The following MAGI2 variants were observed in gnomAD, a reference collection of about 807,000 sequenced individuals.
MAGI2 encodes the protein membrane associated guanylate kinase, WW and PDZ domain containing 2.
A neutral mutation model predicts 133.3 loss-of-function variants in MAGI2; 35 were observed. That is an observed-to-expected ratio of 0.26 (90% CI 0.20 to 0.35). The LOEUF (loss-of-function observed/expected upper bound fraction) is 0.35. Ranked by LOEUF, MAGI2 falls within the 10% of genes least tolerant of loss-of-function variation. The probability of loss-of-function intolerance (pLI) is 1.00; values close to 1 mark genes in which losing one functional copy is unlikely to be tolerated. For missense variants in MAGI2, 1,636 were observed against 1,863.4 expected, an observed-to-expected ratio of 0.88 and a Z score of 2.25; for synonymous variants, 729 against 710.6, an observed-to-expected ratio of 1.03 and a Z score of -0.41.
intron 2 of MAGI2, among the ~76,000 whole-genome samples, chr7:78,722,291 G>C: frequency 6.6e-6 from 1 of 151,996 alleles, no homozygotes; most frequent in African/African-American, 2.4e-5. Flanking sequence ...TTTGAACTGT[G>C]AGAAGGCGAT....
chr7:78,735,753 C>T (rs745508282), intron 2 of MAGI2, among the ~76,000 whole-genome samples: 6 of 152,090 alleles, frequency 3.9e-5, no homozygotes, highest in Non-Finnish European at 7.4e-5. Context: ...GGAGAGCAGC[C>T]TCAAGGGTTT....
chr7:79,281,321 T>C (rs1244742123), intron 1 of MAGI2, among the ~76,000 whole-genome samples: 1 of 152,114 alleles, frequency 6.6e-6, no homozygotes, highest in Non-Finnish European at 1.5e-5. Flanking sequence ...TATTAACCAG[T>C]AGCTCCTGGT....
At chr7:78,622,026 T>G (rs1807798587) in intron 3 of MAGI2, among the ~76,000 whole-genome samples, 1 of 151,960 alleles carries the variant, frequency 6.6e-6, no homozygotes, top group African/African-American at 2.4e-5. Flanking sequence ...AACTAGACAT[T>G]TTATAAAGGA....
chr7:78,371,549 A>C (rs1793918408), intron 6 of MAGI2, among the ~76,000 whole-genome samples: 1 of 152,026 alleles, frequency 6.6e-6, no homozygotes. Context: ...TCTTTTATAA[A>C]GTAAATGATT....
At chr7:78,407,654 CTTTT>C (rs3061272) in intron 6 of MAGI2, among the ~76,000 whole-genome samples, 101,340 of 148,450 alleles carry the variant, frequency 0.68, 35,130 homozygotes, top group African/African-American at 0.8. Context: ...GCTTCTTCTA[CTTTT>C]TTTTTTTTTT....
intron 3 of MAGI2, among the ~76,000 whole-genome samples, chr7:78,580,411 C>T (rs1369887745): frequency 6.6e-6 from 1 of 152,128 alleles, no homozygotes; most frequent in Non-Finnish European, 1.5e-5. Flanking sequence ...CATGTACAAT[C>T]CATGTAGAAC....
intron 1 of MAGI2, among the ~76,000 whole-genome samples, chr7:79,177,627 T>G (rs1826214340): frequency 6.6e-6 from 1 of 152,068 alleles, no homozygotes; most frequent in Non-Finnish European, 1.5e-5. Flanking sequence ...AAAGTCTACA[T>G]GCTGTGTAGG....
chr7:78,960,996 G>A (rs1261209688), intron 2 of MAGI2, among the ~76,000 whole-genome samples: 2 of 152,106 alleles, frequency 1.3e-5, no homozygotes, highest in African/African-American at 4.8e-5. Flanking sequence ...TAAAATACCA[G>A]TTCTGATTTC....
intron 1 of MAGI2, among the ~76,000 whole-genome samples, chr7:79,374,024 T>C (rs1563163624): frequency 6.6e-6 from 1 of 151,992 alleles, no homozygotes; most frequent in Non-Finnish European, 1.5e-5. Context: ...GGAAAGCTCT[T>C]CAAGACATAT....
intron 1 of MAGI2, among the ~76,000 whole-genome samples, chr7:79,346,018 C>T (rs1187201871): frequency 3.9e-5 from 6 of 151,980 alleles, no homozygotes. Context: ...TTTTTCTCTT[C>T]TTAAAATTAC....
intron 6 of MAGI2, among the ~76,000 whole-genome samples, chr7:78,430,607 C>A (rs574812596): frequency 3.3e-5 from 5 of 152,044 alleles, no homozygotes; most frequent in African/African-American, 1.2e-4. Context: ...TATCCAACAC[C>A]TTTTAAACAG....
intron 2 of MAGI2, among the ~76,000 whole-genome samples, chr7:78,665,126 T>C (rs73378301): frequency 0.015 from 2,330 of 152,056 alleles, 68 homozygotes; most frequent in African/African-American, 0.053. Flanking sequence ...TTGCAATGAG[T>C]GAGGGTCAAA....
chr7:79,164,461 T>C (rs1384115789), intron 1 of MAGI2, among the ~76,000 whole-genome samples: 7 of 152,028 alleles, frequency 4.6e-5, no homozygotes, highest in Non-Finnish European at 2.9e-5. Flanking sequence ...ATCTTTTTTT[T>C]CCAGGCCCTC....
rs1174899295 is a variant in MAGI2 at position 78,855,502 on chromosome 7, G to A, written c.418+151588C>T. Among the ~76,000 whole-genome samples the A allele has an allele frequency of 2.0e-5, 3 of 152,252 alleles. No homozygotes were observed. The East Asian group carries it at 5.8e-4, about 29-fold the overall frequency. ...TCCCACTTATGAGTGAGAACATGTGGTGTTTGGTCTTCTGTCCTTGAGATA... is the reference window on the plus strand; with the variant it reads ...TCCCACTTATGAGTGAGAACATGTGATGTTTGGTCTTCTGTCCTTGAGATA... On this transcript the variant is annotated intron_variant, in intron 2 of 21. Coordinates refer to ENST00000354212, the MANE Select transcript of MAGI2 (RefSeq NM_012301.4).
intron 1 of MAGI2, among the ~76,000 whole-genome samples, chr7:79,300,826 C>A (rs1210316070): frequency 6.6e-6 from 1 of 152,190 alleles, no homozygotes; most frequent in Non-Finnish European, 1.5e-5. Context: ...AAGAATGTTT[C>A]ATGGGCCAGG....
At chr7:79,186,226 A>ATATATATATATATT (rs1827110356) in intron 1 of MAGI2, among the ~76,000 whole-genome samples, 1 of 60,338 alleles carries the variant, frequency 1.7e-5, no homozygotes, top group Non-Finnish European at 6.2e-5. Context: ...ATATATATAT[A>ATATATATATATATT]TATATATATA....
intron 1 of MAGI2, among the ~76,000 whole-genome samples, chr7:79,215,725 T>C (rs1416290742): frequency 6.6e-6 from 1 of 151,940 alleles, no homozygotes; most frequent in Non-Finnish European, 1.5e-5. Flanking sequence ...GATGACTTCT[T>C]ATAACTTCTG....
intron 1 of MAGI2, among the ~76,000 whole-genome samples, chr7:79,040,040 G>A (rs1811510503): frequency 6.6e-6 from 1 of 151,900 alleles, no homozygotes; most frequent in Non-Finnish European, 1.5e-5. Context: ...ATTAGGCTTT[G>A]TTTCCCCACC....
chr7:78,305,802 C>T (rs1210988482), intron 9 of MAGI2, among the ~76,000 whole-genome samples: 1 of 152,074 alleles, frequency 6.6e-6, no homozygotes, highest in African/African-American at 2.4e-5. Flanking sequence ...ATAGTCTTTT[C>T]AAAACTAAGA....
Sources: allele counts gnomAD v4.1 joint callset (sites outside exome capture counted in the v4.1 genomes callset), GRCh38; gene constraint gnomAD v4.1.1; transcripts MANE v1.5; gene names NCBI Gene and HGNC (gene_info 2026-07-23, HGNC 2026-07-21).